The following SUMF1 variants were observed in gnomAD, a reference collection of about 807,000 sequenced individuals.
The protein encoded by SUMF1 is formylglycine-generating enzyme.
A neutral mutation model predicts 47.6 loss-of-function variants in SUMF1; 48 were observed. The observed-to-expected ratio is 1.01, with a 90% CI of 0.80 to 1.28. The LOEUF (loss-of-function observed/expected upper bound fraction) is 1.28. SUMF1 is among the 50% of genes most tolerant of loss of function. SUMF1 has a pLI of 0.00. For synonymous variants in SUMF1, 230 were observed against 192.1 expected (o/e 1.20, Z -1.63); for missense variants, 571 against 485.4 (o/e 1.18, Z -1.66).
intron 8 of SUMF1, among the ~76,000 whole-genome samples, chr3:4,331,771 A>C (rs956094931): frequency 4.6e-5 from 7 of 152,238 alleles, no homozygotes; most frequent in Non-Finnish European, 8.8e-5. Flanking sequence ...CGGAGGTTGC[A>C]GTGAGCCAAG....
intron 7 of SUMF1, among the ~76,000 whole-genome samples, chr3:4,399,586 C>A (rs1010085292): frequency 6.6e-6 from 1 of 152,100 alleles, no homozygotes; most frequent in African/African-American, 2.4e-5. Flanking sequence ...TGAGACAGTG[C>A]GGGAACATTT....
At position 4,118,384 on chromosome 3, in the gene SUMF1, C is replaced by CAA. The variant is rs58975555; in HGVS notation, c.1015-49641_1015-49640dup. ...TCAAGGAAACTCCAAAATATAGAGC[C>CAA]AAAAAAAAATCAAAGAAATGGAAAT... On this transcript the variant is annotated intron_variant and NMD_transcript_variant, in intron 8 of 12. Transcript: ENST00000448413. Among the ~76,000 whole-genome samples, 1,092 of 146,914 alleles carry CAA rather than the reference C, an allele frequency of 7.4e-3. 25 individuals carry two copies. The highest frequency in any genetic ancestry group is 0.026 in the African/African-American group (1,044 of 40,392).
At chr3:4,440,707 G>GT (rs1702557414) in intron 3 of SUMF1, among the ~76,000 whole-genome samples, 1 of 152,196 alleles carries the variant, frequency 6.6e-6, no homozygotes, top group Admixed American at 6.5e-5. Flanking sequence ...TTCAATGAAA[G>GT]TGACTTTCAG....
At chr3:4,232,146 A>G (rs896551726) in intron 8 of SUMF1, among the ~76,000 whole-genome samples, 2 of 152,108 alleles carry the variant, frequency 1.3e-5, no homozygotes, top group African/African-American at 4.8e-5. Flanking sequence ...AGCAAAACTG[A>G]CATTGACTAA....
At chr3:4,236,034 C>G (rs879295516) in intron 8 of SUMF1, among the ~76,000 whole-genome samples, 1 of 151,992 alleles carries the variant, frequency 6.6e-6, no homozygotes, top group African/African-American at 2.4e-5. Flanking sequence ...CCTCTACCTA[C>G]CTGTCTCAAG....
At chr3:4,241,822 T>G (rs1575010680) in intron 8 of SUMF1, among the ~76,000 whole-genome samples, 1 of 151,816 alleles carries the variant, frequency 6.6e-6, no homozygotes, top group East Asian at 1.9e-4. Context: ...CACAGTGGAG[T>G]TCATCAGATT....
chr3:4,190,804 T>A (rs1290001575), intron 8 of SUMF1, among the ~76,000 whole-genome samples: 14 of 151,990 alleles, frequency 9.2e-5, no homozygotes, highest in Non-Finnish European at 1.9e-4. Context: ...TTTCAGGGAG[T>A]TCACAGCCTA....
intron 8 of SUMF1, among the ~76,000 whole-genome samples, chr3:4,327,116 A>G (rs1014397342): frequency 6.6e-6 from 1 of 152,240 alleles, no homozygotes; most frequent in African/African-American, 2.4e-5. Context: ...AAAGCTAAAA[A>G]TAGATCGATT....
intron 8 of SUMF1, among the ~76,000 whole-genome samples, chr3:4,373,501 C>T (rs1326916796): frequency 4.0e-5 from 6 of 151,792 alleles, no homozygotes; most frequent in Non-Finnish European, 7.4e-5. Flanking sequence ...ACCTGTAGTC[C>T]CAGCCACTCA....
chr3:4,279,046 T>C (rs957428967), intron 8 of SUMF1, among the ~76,000 whole-genome samples: 1 of 152,278 alleles, frequency 6.6e-6, no homozygotes, highest in East Asian at 1.9e-4. Flanking sequence ...AGTATTGGTC[T>C]ACAAAGGATT....
intron 8 of SUMF1, among the ~76,000 whole-genome samples, chr3:4,231,185 T>C (rs1479506736): frequency 6.6e-6 from 1 of 152,058 alleles, no homozygotes. Context: ...CAATCGAGTT[T>C]TGAGAGGTGG....
At chr3:4,363,848 T>C (rs1285761255) in intron 8 of SUMF1, among the ~76,000 whole-genome samples, 2 of 136,656 alleles carry the variant, frequency 1.5e-5, no homozygotes, top group African/African-American at 5.6e-5. Flanking sequence ...CAGTGTGATA[T>C]TGGCTGTGGG....
chr3:4,049,232 T>C lies in SUMF1; in HGVS notation c.1191+19337A>G, dbSNP rs761902518. ...CCAGGACCTAAGCTAACAGAGCATT[T>C]CCAGTTGCCATGGCAGAAGGAAAAT... is the stretch of plus-strand genomic sequence containing the variant. On this transcript the variant is annotated intron_variant and NMD_transcript_variant, in intron 9 of 12. Transcript: ENST00000448413. Among the ~76,000 whole-genome samples the C allele has an allele frequency of 3.3e-5, 5 of 152,170 alleles. 1 individual carries two copies. Among genetic ancestry groups the C allele is most frequent in the Admixed American group, 3.3e-4 (5 of 15,268 alleles).
intron 9 of SUMF1, among the ~76,000 whole-genome samples, chr3:4,054,732 G>A (rs1293478735): frequency 6.6e-6 from 1 of 152,082 alleles, no homozygotes; most frequent in Non-Finnish European, 1.5e-5. Flanking sequence ...GAATCCCAGA[G>A]AAACTGATAA....
intron 8 of SUMF1, among the ~76,000 whole-genome samples, chr3:4,253,057 A>G (rs1696843189): frequency 6.6e-6 from 1 of 152,212 alleles, no homozygotes; most frequent in South Asian, 2.1e-4. Flanking sequence ...TAAATTTTTT[A>G]AAAATCTAGC....
chr3:4,040,404 A>G (rs1348047486), intron 9 of SUMF1, among the ~76,000 whole-genome samples: 6 of 152,218 alleles, frequency 3.9e-5, no homozygotes, highest in African/African-American at 1.4e-4. Context: ...TCTCCCTACT[A>G]TAGTGACCAG....
At chr3:4,368,702 T>C (rs11920667) in intron 8 of SUMF1, among the ~76,000 whole-genome samples, 3,037 of 152,224 alleles carry the variant, frequency 0.02, 101 homozygotes, top group African/African-American at 0.069. Flanking sequence ...CTGCATGCAC[T>C]TGTACACTTG....
chr3:4,060,624 T>C (rs1464978761), intron 9 of SUMF1, among the ~76,000 whole-genome samples: 5 of 152,172 alleles, frequency 3.3e-5, no homozygotes, highest in African/African-American at 9.7e-5. Flanking sequence ...TAACACTATG[T>C]GGAATAAAGA....
chr3:4,258,365 T>A (rs1463327861), intron 8 of SUMF1, among the ~76,000 whole-genome samples: 2 of 145,202 alleles, frequency 1.4e-5, no homozygotes, highest in African/African-American at 5.3e-5. Flanking sequence ...CCTACTCATC[T>A]GACAAAGGGC....
Sources: gnomAD v4.1 joint callset for allele counts (sites outside exome capture counted in the v4.1 genomes callset) on GRCh38, gnomAD v4.1.1 for gene constraint, MANE v1.5 for transcripts, NCBI Gene and HGNC (gene_info 2026-07-23, HGNC 2026-07-21) for gene names.